Variants in RNF115 observed in about 807,000 individuals in gnomAD.
RNF115 encodes ring finger protein 115.
In RNF115, 31 loss-of-function variants were observed where a neutral mutation model predicts 39.2. That is an observed-to-expected ratio of 0.79 (90% confidence interval 0.59 to 1.07). The LOEUF (loss-of-function observed/expected upper bound fraction) is 1.07. Among genes scored for constraint, RNF115 ranks in the 50% least tolerant of loss-of-function variants. The pLI is 0.00. For missense variants in RNF115, 384 were observed against 381.7 expected (o/e 1.01, Z -0.05); for synonymous variants, 124 against 131.0 (o/e 0.95, Z 0.37).
intron 1 of RNF115, among the ~76,000 whole-genome samples, chr1:145,796,346 G>A (rs1435460002): frequency 6.6e-6 from 1 of 152,068 alleles, no homozygotes; most frequent in Non-Finnish European, 1.5e-5. Context: ...GATAATTGTT[G>A]AAGCTGTATA....
At chr1:145,764,702 G>C (rs1553714453) in intron 4 of RNF115, among the ~76,000 whole-genome samples, 1 of 151,850 alleles carries the variant, frequency 6.6e-6, no homozygotes, top group African/African-American at 2.4e-5. Context: ...CGGTCCGGGA[G>C]GGAGGTGGGG....
At chr1:145,788,674 G>A (rs184742344) in intron 2 of RNF115, 452 of 643,082 alleles carry the variant, frequency 7.0e-4, no homozygotes, top group Middle Eastern at 2.0e-3. Context: ...GGAGCAGTGC[G>A]TATCACCACA....
chr1:145,801,426 G>T (rs782352018), intron 1 of RNF115, among the ~76,000 whole-genome samples: 5 of 152,026 alleles, frequency 3.3e-5, no homozygotes, highest in African/African-American at 9.7e-5. Flanking sequence ...TTAGCCAGGC[G>T]TGGTGGCACA....
rs116463389 is a variant in RNF115 at position 145,746,843 on chromosome 1, T to C, written c.*23A>G. 8.1e-6 allele frequency: 13 copies of C among 1,612,256 alleles called. No homozygotes were observed. Among genetic ancestry groups the C allele is most frequent in the Non-Finnish European group, 1.1e-5 (13 of 1,178,710 alleles). ...TATGGTAAGATGATTACCACAGCCC[T>C]GATTCAGGTGTGGTCTTTAGCTTCA... On this transcript the variant is annotated 3_prime_UTR_variant, in exon 9 of 9. Coordinates refer to ENST00000582693, the MANE Select transcript of RNF115 (RefSeq NM_014455.4).
Position 145,750,576 on chromosome 1 carries a change from G to C in RNF115, c.574-76C>G, listed in dbSNP as rs1571705240. ...CTGGAGAGGGAACTGCTCCAGCTGA[G>C]AACAAACAGTGCAGACATTAGGTAT... On this transcript the variant is annotated intron_variant, in intron 6 of 8. Transcript: ENST00000582693. 4 of 1,094,990 alleles carry C rather than the reference G, an allele frequency of 3.7e-6. No individual in the cohort carries two copies. The African/African-American group carries it at 4.6e-5, about 13-fold the overall frequency. The allele number at this position is 1,094,990 out of a possible 1,614,324, so 67.8% of individuals were successfully genotyped here.
chr1:145,767,026 G>A (rs587669796), intron 4 of RNF115, among the ~76,000 whole-genome samples: 1 of 142,184 alleles, frequency 7.0e-6, no homozygotes, highest in Admixed American at 6.7e-5. Flanking sequence ...GCCGGGCAGA[G>A]GCGCCCCTCA....
intron 3 of RNF115, among the ~76,000 whole-genome samples, chr1:145,782,992 G>C (rs967891143): frequency 1.3e-5 from 2 of 152,182 alleles, no homozygotes; most frequent in Admixed American, 1.3e-4. Flanking sequence ...CTACCATGTA[G>C]CTAGGATTAC....
intron 4 of RNF115, among the ~76,000 whole-genome samples, chr1:145,762,979 G>C (rs1214267189): frequency 1.3e-5 from 2 of 152,082 alleles, no homozygotes; most frequent in Non-Finnish European, 2.9e-5. Context: ...ACAAAGTAAG[G>C]AATAATAAAC....
chr1:145,747,897 T>C (rs1324163223), intron 8 of RNF115, 98 bp downstream of exon 8: 11 of 859,778 alleles, frequency 1.3e-5, no homozygotes, highest in Non-Finnish European at 2.2e-5. Flanking sequence ...GCCAGGGATT[T>C]ATGGGATAAA....
chr1:145,798,190 T>C (rs1009103309), intron 1 of RNF115, among the ~76,000 whole-genome samples: 1 of 152,226 alleles, frequency 6.6e-6, no homozygotes, highest in African/African-American at 2.4e-5. Flanking sequence ...CCTGTGCTTA[T>C]GGTGTCATAT....
intron 2 of RNF115, chr1:145,787,135 C>T (rs1648418711): frequency 1.6e-6 from 1 of 641,210 alleles, no homozygotes; most frequent in Admixed American, 2.4e-5. Flanking sequence ...GATTAAGAGG[C>T]TTCAGATTAC....
chr1:145,806,138 A>G (rs1649450471), intron 1 of RNF115, among the ~76,000 whole-genome samples: 1 of 152,162 alleles, frequency 6.6e-6, no homozygotes, highest in African/African-American at 2.4e-5. Context: ...ACTTGAGGTC[A>G]GGTGTTCAAG....
intron 2 of RNF115, among the ~76,000 whole-genome samples, 162 bp from the exon 3 acceptor site, chr1:145,784,758 A>G (rs1482668860): frequency 6.6e-6 from 1 of 152,174 alleles, no homozygotes; most frequent in Admixed American, 6.5e-5. Flanking sequence ...TGGCATGTGA[A>G]TTAATCTATG....
chr1:145,763,893 TC>T (rs1658633904), intron 4 of RNF115, among the ~76,000 whole-genome samples: 1 of 60,234 alleles, frequency 1.7e-5, no homozygotes, highest in African/African-American at 6.4e-5. Flanking sequence ...GCCCTCCCCC[TC>T]CCCCTCCCCC....
chr1:145,783,976 A>C (rs1648261135), intron 3 of RNF115, among the ~76,000 whole-genome samples: 1 of 152,164 alleles, frequency 6.6e-6, no homozygotes, highest in South Asian at 2.1e-4. Context: ...TGTTTTTCCC[A>C]AAAAATATGG....
chr1:145,806,892 AC>A (rs1457549946), intron 1 of RNF115, among the ~76,000 whole-genome samples: 2 of 152,038 alleles, frequency 1.3e-5, no homozygotes, highest in Non-Finnish European at 2.9e-5. Flanking sequence ...TGCAACCTCC[AC>A]CTCCTGGGTT....
At chr1:145,787,936 AC>A (rs1648468025) in intron 2 of RNF115, among the ~76,000 whole-genome samples, 1 of 152,182 alleles carries the variant, frequency 6.6e-6, no homozygotes, top group African/African-American at 2.4e-5. Flanking sequence ...GTTCACATAA[AC>A]AAAAAAGGAA....
chr1:145,791,550 A>G (rs1051549265), intron 1 of RNF115, among the ~76,000 whole-genome samples: 2 of 152,076 alleles, frequency 1.3e-5, no homozygotes, highest in Admixed American at 6.6e-5. Flanking sequence ...CATAAACTGA[A>G]TAACAGCATA....
intron 1 of RNF115, among the ~76,000 whole-genome samples, chr1:145,811,908 A>AAAAAAAAT: frequency 1.8e-5 from 1 of 55,154 alleles, no homozygotes; most frequent in Non-Finnish European, 3.8e-5. Context: ...AAAAAAAAAA[A>AAAAAAAAT]ATATATATAT....
Sources: allele counts gnomAD v4.1 joint callset (sites outside exome capture counted in the v4.1 genomes callset), GRCh38; gene constraint gnomAD v4.1.1; transcripts MANE v1.5; gene names NCBI Gene and HGNC (gene_info 2026-07-23, HGNC 2026-07-21).